MAP2K1: variants seen among roughly 807,000 people sequenced by gnomAD.
MAP2K1 encodes the protein mitogen-activated protein kinase kinase 1, also known as dual specificity mitogen-activated protein kinase kinase 1.
In MAP2K1, 16 loss-of-function variants were observed where a neutral mutation model predicts 46.3. The observed-to-expected ratio is 0.35, with a 90% confidence interval of 0.23 to 0.52. The LOEUF (loss-of-function observed/expected upper bound fraction) is 0.52. Among genes scored for constraint, MAP2K1 ranks in the 20% least tolerant of loss-of-function variants. MAP2K1 has a pLI of 0.94. For synonymous variants in MAP2K1, 183 were observed against 185.6 expected, an observed-to-expected ratio of 0.99 and a Z score of 0.11; for missense variants, 263 against 497.1, an observed-to-expected ratio of 0.53 and a Z score of 4.48.
chr15:66,420,995 A>T (rs12910249), intron 1 of MAP2K1, among the ~76,000 whole-genome samples: 1 of 76,484 alleles, frequency 1.3e-5, no homozygotes, highest in African/African-American at 4.8e-5. Context: ...ACATACATAC[A>T]TATATACACG....
chr15:66,398,602 T>C (rs1208747346), intron 1 of MAP2K1, among the ~76,000 whole-genome samples: 3 of 150,246 alleles, frequency 2.0e-5, no homozygotes, highest in Non-Finnish European at 3.0e-5. Flanking sequence ...CAGTTAGCTA[T>C]GATTGTACCA....
rs116984260 is a variant in MAP2K1 at position 66,425,579 on chromosome 15, C to T, written c.81-9448C>T. Among the ~76,000 whole-genome samples the T allele has an allele frequency of 7.5e-3, 1,137 of 152,270 alleles. 8 individuals carry two copies. The highest frequency in any genetic ancestry group is 0.011 in the Non-Finnish European group (768 of 68,020). The stretch of plus-strand genomic sequence containing the variant: ...CAGCTGCTTCTGGGCCAGGACAGAG[C>T]TGGTCTTTTTTTTAGTGGGGGATGG... On this transcript the variant is annotated intron_variant, in intron 1 of 10. Coordinates refer to ENST00000307102, the MANE Select transcript of MAP2K1 (RefSeq NM_002755.4).
intron 5 of MAP2K1, among the ~76,000 whole-genome samples, chr15:66,481,450 C>G (rs1221931510): frequency 3.9e-5 from 6 of 152,204 alleles, no homozygotes; most frequent in Non-Finnish European, 8.8e-5. Flanking sequence ...CCTGACTGTT[C>G]ATGATAACGG....
rs894523866 is a variant in MAP2K1, at chr15:66,488,041, C to T, written c.960+749C>T. On this transcript the variant is annotated intron_variant, in intron 8 of 10. Coordinates refer to ENST00000307102, the MANE Select transcript of MAP2K1 (RefSeq NM_002755.4). ...TGAAAAGTAGCCCAGGTCCTTCCCA[C>T]CCAGTGCTCTTTCTTCCTTGCCACC... Among the ~76,000 whole-genome samples the T allele has an allele frequency of 7.2e-5, 11 of 152,232 alleles. 1 individual carries two copies. The highest frequency in any genetic ancestry group is 3.4e-3 in the Middle Eastern group (1 of 294).
intron 1 of MAP2K1, among the ~76,000 whole-genome samples, chr15:66,415,564 C>T (rs892251284): frequency 1.3e-5 from 2 of 152,110 alleles, no homozygotes; most frequent in African/African-American, 4.8e-5. Context: ...CAGTTTCTGT[C>T]CCAGCTCTTT....
intron 1 of MAP2K1, among the ~76,000 whole-genome samples, chr15:66,434,781 C>A (rs746062213): frequency 6.6e-6 from 1 of 152,088 alleles, no homozygotes. Flanking sequence ...GTGAGAAAGA[C>A]CTAATTTTTT....
chr15:66,390,656 AGT>A (rs1167985470), intron 1 of MAP2K1, among the ~76,000 whole-genome samples: 3 of 152,156 alleles, frequency 2.0e-5, no homozygotes, highest in Non-Finnish European at 4.4e-5. Context: ...TAGGGTCTTA[AGT>A]GTTAGAATGA....
At chr15:66,440,171 A>G (rs2093499947) in intron 3 of MAP2K1, among the ~76,000 whole-genome samples, 1 of 152,064 alleles carries the variant, frequency 6.6e-6, no homozygotes, top group Non-Finnish European at 1.5e-5. Context: ...AGCTCACTGC[A>G]ACCTCTGCCT....
At chr15:66,462,522 G>GT (rs1892352143) in intron 5 of MAP2K1, among the ~76,000 whole-genome samples, 1 of 149,262 alleles carries the variant, frequency 6.7e-6, no homozygotes, top group African/African-American at 2.5e-5. Context: ...AAAAAGATTG[G>GT]TAAAAAAATG....
intron 5 of MAP2K1, chr15:66,444,975 T>A: frequency 4.1e-6 from 2 of 487,898 alleles, no homozygotes; most frequent in South Asian, 4.3e-5. Flanking sequence ...CAGCACTTAG[T>A]TACCCAGTCT....
chr15:66,417,265 C>G (rs1263873377), intron 1 of MAP2K1, among the ~76,000 whole-genome samples: 1 of 152,140 alleles, frequency 6.6e-6, no homozygotes, highest in Non-Finnish European at 1.5e-5. Context: ...ATTTTCTACC[C>G]CTAGTTTAAC....
At chr15:66,452,324 A>G (rs1892051122) in intron 5 of MAP2K1, among the ~76,000 whole-genome samples, 1 of 150,332 alleles carries the variant, frequency 6.7e-6, no homozygotes, top group South Asian at 2.1e-4. Context: ...AGCTAAATAT[A>G]GAAAGCCACC....
intron 5 of MAP2K1, among the ~76,000 whole-genome samples, chr15:66,460,920 G>C (rs1286877014): frequency 1.3e-5 from 2 of 152,136 alleles, no homozygotes; most frequent in Non-Finnish European, 2.9e-5. Context: ...TGGTTGTGGT[G>C]GGAAGGAGCC....
chr15:66,417,908 A>G (rs1433825538), intron 1 of MAP2K1, among the ~76,000 whole-genome samples: 2 of 152,142 alleles, frequency 1.3e-5, no homozygotes, highest in Non-Finnish European at 2.9e-5. Flanking sequence ...GCTTCTGGGC[A>G]CTGGCTACTG....
intron 8 of MAP2K1, 141 bp from the exon 9 acceptor site, chr15:66,489,059 TGCCTTTCCTTGACTG>T (rs1250887678): frequency 2.9e-6 from 2 of 695,174 alleles, no homozygotes; most frequent in East Asian, 5.4e-5. Context: ...CTTCTACCTG[TGCCTTTCCTTGACTG>T]GATGAGAGTA....
At chr15:66,419,287 A>C (rs1364749669) in intron 1 of MAP2K1, among the ~76,000 whole-genome samples, 4 of 151,936 alleles carry the variant, frequency 2.6e-5, no homozygotes, top group African/African-American at 9.7e-5. Context: ...TGGGAGGCCG[A>C]GGCGGATGGA....
chr15:66,477,529 C>T (rs1321091088), intron 5 of MAP2K1, among the ~76,000 whole-genome samples: 3 of 152,252 alleles, frequency 2.0e-5, no homozygotes, highest in Non-Finnish European at 4.4e-5. Context: ...GTATGAGAGC[C>T]GCCATTGTGA....
At chr15:66,442,912 A>T (rs2093508372) in intron 3 of MAP2K1, among the ~76,000 whole-genome samples, 1 of 152,116 alleles carries the variant, frequency 6.6e-6, no homozygotes, top group African/African-American at 2.4e-5. Flanking sequence ...CTGGTTTATT[A>T]TAAAGGACAT....
chr15:66,454,943 G>A (rs1391060188), intron 5 of MAP2K1, among the ~76,000 whole-genome samples: 2 of 152,084 alleles, frequency 1.3e-5, no homozygotes, highest in Non-Finnish European at 2.9e-5. Context: ...TTGACAAGCT[G>A]ATCCTACAAA....
Sources: allele counts gnomAD v4.1 joint callset (sites outside exome capture counted in the v4.1 genomes callset), GRCh38; gene constraint gnomAD v4.1.1; transcripts MANE v1.5; gene names NCBI Gene and HGNC (gene_info 2026-07-23, HGNC 2026-07-21).